CAVIN2: variants seen among roughly 807,000 people sequenced by gnomAD.
CAVIN2 encodes the protein caveolae-associated protein 2.
Under a neutral mutation model 11.7 loss-of-function variants are expected in CAVIN2, and 13 were observed. The observed-to-expected ratio is 1.11, with a 90% CI of 0.72 to 1.77. The LOEUF is 1.77. Among genes scored for constraint, CAVIN2 ranks in the 40% most tolerant of loss-of-function variants. The probability of loss-of-function intolerance (pLI) is 0.00; values close to 1 mark genes in which losing one functional copy is unlikely to be tolerated. For synonymous variants in CAVIN2, 237 were observed against 223.2 expected (o/e 1.06, Z -0.55); for missense variants, 549 against 542.9 (o/e 1.01, Z -0.11).
At position 191,836,373 on chromosome 2, in the gene CAVIN2, C is replaced by T. The variant is rs1357390673; in HGVS notation, c.828G>A (p.Thr276=). ...CTGAGGATATTTTCTGGTGATTTGA[C>T]GTGAGAGATTTCTTAATCTTCTCTC... The part of the protein sequence containing the change: ...ERREKIKKSL[T]SNHQKISSGK... The change falls in exon 2 of 2, where the codon ACG becomes ACA. Residue 276 remains threonine, a synonymous_variant. Transcript: ENST00000304141. 4.3e-6 allele frequency: 7 copies of T among 1,614,048 alleles called. No homozygotes were observed. Among genetic ancestry groups the T allele is most frequent in the Non-Finnish European group, 5.9e-6 (7 of 1,180,054 alleles).
In CAVIN2 at chr2:191,835,680, C is replaced by T. The variant is rs1178343393; in HGVS notation, c.*243G>A. 2 of 458,558 alleles carry T rather than the reference C, an allele frequency of 4.4e-6. No individual in the cohort carries two copies. The highest frequency in any genetic ancestry group is 7.7e-6 in the Non-Finnish European group (2 of 260,038). The allele number at this position is 458,558 out of a possible 1,614,324, so 28.4% of individuals were successfully genotyped here. A position where few individuals can be genotyped will look rare whatever the true frequency, so the allele number is the denominator to read the frequency against. ...GCATTTTTCAACTGCTCAGTTTCTT[C>T]TTCAATCTTGGAGACATTCTACAGA... On this transcript the variant is annotated 3_prime_UTR_variant, in exon 2 of 2. Transcript: ENST00000304141.
rs145042944 is a variant in CAVIN2, at chr2:191,838,718, G to A, written c.484-2001C>T. On this transcript the variant is annotated intron_variant, in intron 1 of 1. Transcript: ENST00000304141. The stretch of plus-strand genomic sequence containing the variant: ...GTTCCCCGGAGTGTACTCCCCATGA[G>A]GGCAGGGATTTTTGTCTCTTGTCCA... Among the ~76,000 whole-genome samples the A allele has an allele frequency of 1.2e-3, 180 of 152,338 alleles. 2 individuals are homozygous for A. The highest frequency in any genetic ancestry group is 4.1e-3 in the African/African-American group (172 of 41,586).
intron 1 of CAVIN2, among the ~76,000 whole-genome samples, chr2:191,843,285 T>C (rs1202277369): frequency 6.6e-6 from 1 of 152,238 alleles, no homozygotes; most frequent in African/African-American, 2.4e-5. Context: ...ACTGAAAATG[T>C]ACTCTTCTCA....
At chr2:191,840,089 C>G (rs557373595) in intron 1 of CAVIN2, among the ~76,000 whole-genome samples, 13 of 152,306 alleles carry the variant, frequency 8.5e-5, no homozygotes, top group Middle Eastern at 3.4e-3. Context: ...CAAGCTCCCC[C>G]ACACACCTCG....
In CAVIN2 at chr2:191,846,757, TGAC is replaced by T. The variant is rs1690174604; in HGVS notation, c.166_168del (p.Val56del). ...AGCTTGTCCAGGAGCGTGAGCACCGTGACTGCGTTCACCTGTGAGTTGTCCCGG... is the reference window on the plus strand; with the variant it reads ...AGCTTGTCCAGGAGCGTGAGCACCGTTGCGTTCACCTGTGAGTTGTCCCGG... On this transcript the variant is annotated inframe_deletion, in exon 1 of 2. Coordinates refer to ENST00000304141, the MANE Select transcript of CAVIN2 (RefSeq NM_004657.6). 3.7e-6 allele frequency: 6 copies of T among 1,614,090 alleles called. No individual in the cohort carries two copies. Among genetic ancestry groups the T allele is most frequent in the Non-Finnish European group, 5.1e-6 (6 of 1,180,044 alleles).
intron 1 of CAVIN2, among the ~76,000 whole-genome samples, chr2:191,839,420 G>A (rs114623680): frequency 0.018 from 2,696 of 152,226 alleles, 46 homozygotes; most frequent in Middle Eastern, 0.027. Flanking sequence ...CATAGTTGCT[G>A]TTGAGTTTTA....
chr2:191,843,841 GTTA>G (rs1690128979), intron 1 of CAVIN2, among the ~76,000 whole-genome samples: 1 of 152,140 alleles, frequency 6.6e-6, no homozygotes, highest in Non-Finnish European at 1.5e-5. Flanking sequence ...TATTTTAAAT[GTTA>G]TTTCTTTCAT....
At position 191,846,571 on chromosome 2, in the gene CAVIN2, G is replaced by A. The variant is rs1324722677; in HGVS notation, c.355C>T (p.Arg119Cys). ...NTVSKLLEKS[R>C]KVSAHTRAVK... ...GCGCGCGTGTGGGCGCTGACCTTGC[G>A]GGACTTCTCCAGCAGCTTGCTCACC... is the stretch of plus-strand genomic sequence containing the variant. Residue 119 changes from arginine (R) to cysteine (C), a missense_variant, in exon 1 of 2, where the codon CGC (arginine) becomes TGC (cysteine). Transcript: ENST00000304141. 9.9e-6 allele frequency: 16 copies of A among 1,614,254 alleles called. No homozygotes were observed. In the East Asian group the frequency reaches 3.3e-4, roughly 34 times the overall value.
rs770666085 is a variant in CAVIN2 at position 191,835,950 on chromosome 2, G to C, written c.1251C>G (p.Ala417=). ...AGGAGGTCTGGTGCACCTGGAGCAC[G>C]GCGGGCTGCACGGGGTCCCCATCGG... ...ERSDGDPVQP[A]VLQVHQTS The change falls in exon 2 of 2, where the codon GCC becomes GCG. Residue 417 remains alanine (A), a synonymous_variant. Transcript: ENST00000304141. The C allele has an allele frequency of 6.2e-7, 1 of 1,613,424 alleles. No homozygotes were observed. The highest frequency in any genetic ancestry group is 1.7e-5 in the Admixed American group (1 of 60,020).
In CAVIN2 at chr2:191,835,610, A is replaced by G. The variant is rs1339935283; in HGVS notation, c.*313T>C. 1.3e-5 allele frequency: 4 copies of G among 313,742 alleles called. No homozygotes were observed. Among genetic ancestry groups the G allele is most frequent in the Non-Finnish European group, 1.8e-5 (3 of 169,774 alleles). The allele number at this position is 313,742 out of a possible 1,614,324, so 19.4% of individuals were successfully genotyped here. On this transcript the variant is annotated 3_prime_UTR_variant, in exon 2 of 2. Transcript: ENST00000304141. ...GAATGAATCACTTTTCATGACTAGT[A>G]TCTTAATTATCCTCTGTTTTTTTCT...
chr2:191,845,471 C>G (rs1385158528), intron 1 of CAVIN2, among the ~76,000 whole-genome samples: 3 of 152,206 alleles, frequency 2.0e-5, no homozygotes, highest in South Asian at 4.1e-4. Flanking sequence ...ATGGTCACAA[C>G]GAGACAGCCC....
At chr2:191,842,171 C>A (rs1690104127) in intron 1 of CAVIN2, among the ~76,000 whole-genome samples, 1 of 152,184 alleles carries the variant, frequency 6.6e-6, no homozygotes, top group Non-Finnish European at 1.5e-5. Context: ...ATCAAAGGAA[C>A]CCAAAGGATG....
chr2:191,839,424 A>C (rs1690063349), intron 1 of CAVIN2, among the ~76,000 whole-genome samples: 1 of 152,148 alleles, frequency 6.6e-6, no homozygotes, highest in African/African-American at 2.4e-5. Flanking sequence ...GTTGCTGTTG[A>C]GTTTTAGACT....
intron 1 of CAVIN2, among the ~76,000 whole-genome samples, chr2:191,840,286 C>T (rs901808517): frequency 2.6e-5 from 4 of 152,212 alleles, no homozygotes; most frequent in African/African-American, 7.2e-5. Context: ...TCTAGGTCTA[C>T]TTAGGGTTCG....
chr2:191,840,405 A>G (rs191534318), intron 1 of CAVIN2, among the ~76,000 whole-genome samples: 2 of 152,286 alleles, frequency 1.3e-5, no homozygotes, highest in Admixed American at 6.5e-5. Context: ...TTTGTTTTCA[A>G]AAAGGTCCTC....
rs543742748 is a variant in CAVIN2 at position 191,846,899 on chromosome 2, T to C, written c.27A>G (p.Glu9=). Residue 9 remains glutamate (E), a synonymous_variant, in exon 1 of 2, where the codon GAA becomes GAG. Transcript: ENST00000304141. Reference sequence around the variant, plus strand: ...TGTCAGACCCAGGGTGCTGGAACTTTTCGGCCTGTGCAGCGTCCTCTCCCA... The same window carrying C: ...TGTCAGACCCAGGGTGCTGGAACTTCTCGGCCTGTGCAGCGTCCTCTCCCA... MGEDAAQA[E]KFQHPGSDMR... The C allele has an allele frequency of 6.2e-7, 1 of 1,612,988 alleles. No homozygotes were observed. The highest frequency in any genetic ancestry group is 2.2e-5 in the East Asian group (1 of 44,880).
At position 191,835,875 on chromosome 2, in the gene CAVIN2, C is replaced by G. The variant is rs933823144; in HGVS notation, c.*48G>C. On this transcript the variant is annotated 3_prime_UTR_variant, in exon 2 of 2. Transcript: ENST00000304141. ...ATGTGCAAGAGTTTGTTCTTCAGCC[C>G]TGGCTGCCCGCTTGAGCACAGCACA... 7.1e-6 allele frequency: 11 copies of G among 1,556,794 alleles called. No homozygotes were observed. The highest frequency in any genetic ancestry group is 9.5e-6 in the Non-Finnish European group (11 of 1,153,008).
intron 1 of CAVIN2, among the ~76,000 whole-genome samples, chr2:191,838,315 A>G (rs898990909): frequency 1.3e-5 from 2 of 152,310 alleles, no homozygotes; most frequent in African/African-American, 2.4e-5. Context: ...ACTTAAAAAA[A>G]CCCTCTCCTT....
intron 1 of CAVIN2, among the ~76,000 whole-genome samples, chr2:191,843,567 T>C (rs1319012311): frequency 6.6e-6 from 1 of 152,182 alleles, no homozygotes; most frequent in Admixed American, 6.5e-5. Context: ...GTTCGTTGAG[T>C]AGGTCTTTTG....
Sources: allele counts gnomAD v4.1 joint callset (sites outside exome capture counted in the v4.1 genomes callset), GRCh38; gene constraint gnomAD v4.1.1; transcripts MANE v1.5; gene names NCBI Gene and HGNC (gene_info 2026-07-23, HGNC 2026-07-21).